NPTN: variants seen among roughly 807,000 people sequenced by gnomAD.
NPTN encodes the protein neuroplastin.
Under a neutral mutation model 42.7 loss-of-function variants are expected in NPTN, and 5 were observed. The observed-to-expected ratio is 0.12, with a 90% CI of 0.06 to 0.25. The LOEUF is 0.25. NPTN is among the 10% of genes least tolerant of loss of function. The probability of loss-of-function intolerance (pLI) is 1.00; values close to 1 mark genes in which losing one functional copy is unlikely to be tolerated. For missense variants in NPTN, 307 were observed against 525.4 expected (o/e 0.58, Z 4.06); for synonymous variants, 180 against 201.9 (o/e 0.89, Z 0.92).
At chr15:73,612,338 G>A (rs1042108670) in intron 1 of NPTN, among the ~76,000 whole-genome samples, 11 of 151,490 alleles carry the variant, frequency 7.3e-5, no homozygotes, top group Admixed American at 7.2e-4. Flanking sequence ...AGGAACACCT[G>A]GACCCAGGAG....
At position 73,573,810 on chromosome 15, in the gene NPTN, T is replaced by C; in HGVS notation, c.707-15A>G. On this transcript the variant is annotated splice_polypyrimidine_tract_variant and intron_variant, in intron 4 of 8. Transcript: ENST00000345330. ...GTCAGGAGCGGCTGTGAGAAAGCGT[T>C]AGACGCAGTTACCACGGAAGTCTAC... 6.2e-7 allele frequency: 1 copy of C among 1,604,776 alleles called. No homozygotes were observed. Among genetic ancestry groups the C allele is most frequent in the Non-Finnish European group, 8.5e-7 (1 of 1,176,024 alleles).
Position 73,593,188 on chromosome 15 carries a change from A to C in NPTN, c.440-1051T>G, listed in dbSNP as rs184073989. On this transcript the variant is annotated intron_variant, in intron 2 of 8. Transcript: ENST00000345330. The stretch of plus-strand genomic sequence containing the variant: ...TAATACATTGAACAAAAATGTTTAA[A>C]ATCACTCTATATTATTCCTGGAAGC... Among the ~76,000 whole-genome samples, 3 of 152,350 alleles carry C rather than the reference A, an allele frequency of 2.0e-5. No homozygotes were observed. The East Asian group carries it at 5.8e-4, about 29-fold the overall frequency.
At chr15:73,630,098 G>C (rs759258643) in intron 1 of NPTN, among the ~76,000 whole-genome samples, 21 of 152,200 alleles carry the variant, frequency 1.4e-4, no homozygotes, top group Admixed American at 3.9e-4. Context: ...AAGGATAGTA[G>C]TAATAGCTAA....
Position 73,573,768 on chromosome 15 carries a change from C to A in NPTN, c.734G>T (p.Arg245Leu), listed in dbSNP as rs764415533. Reference sequence around the variant, plus strand: ...CTGCCCTTCATTCTTGTTCTCACTCCGTTTATGGCCAGTGATGTCAGGAGC... The same window carrying A: ...CTGCCCTTCATTCTTGTTCTCACTCAGTTTATGGCCAGTGATGTCAGGAGC... ...KAAPDITGHKRSENKNEGQDA... is the reference protein window; with the variant it reads ...KAAPDITGHKLSENKNEGQDA... Residue 245 changes from arginine (R) to leucine (L), a missense_variant, in exon 5 of 9, where the codon CGG (arginine) becomes CTG (leucine). By Grantham distance (102) the Arg-to-Leu change is moderately radical. Coordinates refer to ENST00000345330, the MANE Select transcript of NPTN (RefSeq NM_012428.4). The A allele has an allele frequency of 1.2e-5, 20 of 1,602,256 alleles. No individual in the cohort carries two copies. The highest frequency in any genetic ancestry group is 1.5e-5 in the Non-Finnish European group (18 of 1,175,028).
At chr15:73,617,659 A>C (rs560887662) in intron 1 of NPTN, among the ~76,000 whole-genome samples, 2 of 152,324 alleles carry the variant, frequency 1.3e-5, no homozygotes, top group African/African-American at 2.4e-5. Flanking sequence ...TTTCTGTGAC[A>C]AACAGATAGT....
intron 4 of NPTN, among the ~76,000 whole-genome samples, chr15:73,579,189 G>A: frequency 6.7e-6 from 1 of 149,884 alleles, no homozygotes; most frequent in Admixed American, 6.7e-5. Flanking sequence ...TGAGGCAGGA[G>A]AATGGCACGA....
intron 4 of NPTN, among the ~76,000 whole-genome samples, chr15:73,576,293 G>GTA (rs1895692590): frequency 6.6e-6 from 1 of 152,174 alleles, no homozygotes; most frequent in Non-Finnish European, 1.5e-5. Context: ...AAATAAGGGA[G>GTA]TATATACAAG....
intron 6 of NPTN, chr15:73,568,231 T>C: frequency 1.0e-6 from 1 of 985,492 alleles, no homozygotes; most frequent in Non-Finnish European, 1.2e-6. Flanking sequence ...CGGTGACTTC[T>C]TAGGGCAAAG....
intron 1 of NPTN, among the ~76,000 whole-genome samples, chr15:73,615,045 A>C (rs1897796132): frequency 6.6e-6 from 1 of 152,146 alleles, no homozygotes; most frequent in African/African-American, 2.4e-5. Context: ...TTTCAACTTA[A>C]CCACTGTTTT....
chr15:73,624,621 C>A (rs1898304489), intron 1 of NPTN, among the ~76,000 whole-genome samples: 1 of 151,442 alleles, frequency 6.6e-6, no homozygotes, highest in African/African-American at 2.4e-5. Context: ...GGAAATAATC[C>A]CACTACTCTA....
chr15:73,630,524 G>C (rs1898680917), intron 1 of NPTN, among the ~76,000 whole-genome samples: 1 of 152,214 alleles, frequency 6.6e-6, no homozygotes, highest in South Asian at 2.1e-4. Context: ...TGAAAGCCCT[G>C]AATGTCCACA....
intron 1 of NPTN, among the ~76,000 whole-genome samples, chr15:73,628,748 T>C (rs1168643569): frequency 6.6e-6 from 1 of 152,044 alleles, no homozygotes; most frequent in Non-Finnish European, 1.5e-5. Flanking sequence ...TTAAATCTTT[T>C]TTTAATTTAA....
intron 3 of NPTN, among the ~76,000 whole-genome samples, chr15:73,589,148 A>C (rs1896466068): frequency 6.6e-6 from 1 of 152,060 alleles, no homozygotes; most frequent in African/African-American, 2.4e-5. Context: ...CCTGGGAAAC[A>C]TGGCGAAACG....
intron 1 of NPTN, among the ~76,000 whole-genome samples, chr15:73,631,852 T>C (rs1898761453): frequency 6.6e-6 from 1 of 152,160 alleles, no homozygotes; most frequent in Non-Finnish European, 1.5e-5. Flanking sequence ...CTAACACATG[T>C]CTTCAATCAG....
intron 4 of NPTN, among the ~76,000 whole-genome samples, chr15:73,579,878 A>G (rs1895899402): frequency 6.6e-6 from 1 of 152,098 alleles, no homozygotes. Flanking sequence ...GCTTGACCAA[A>G]ATCTCAGGAA....
At chr15:73,619,658 G>GC (rs919503868) in intron 1 of NPTN, among the ~76,000 whole-genome samples, 4 of 152,284 alleles carry the variant, frequency 2.6e-5, no homozygotes, top group Admixed American at 2.6e-4. Context: ...TAAGCATCAG[G>GC]CTTCACACAT....
chr15:73,594,313 C>G (rs1896733686), intron 2 of NPTN, among the ~76,000 whole-genome samples: 1 of 152,162 alleles, frequency 6.6e-6, no homozygotes, highest in Non-Finnish European at 1.5e-5. Context: ...TGTGGCGATG[C>G]AAATGACCAC....
chr15:73,564,369 CAT>C (rs1278714401), intron 6 of NPTN, among the ~76,000 whole-genome samples: 2 of 152,140 alleles, frequency 1.3e-5, no homozygotes, highest in East Asian at 1.9e-4. Context: ...TGCAGGAGCA[CAT>C]GTCGGGAGTA....
At chr15:73,601,221 T>C (rs1897071418) in intron 1 of NPTN, among the ~76,000 whole-genome samples, 1 of 152,184 alleles carries the variant, frequency 6.6e-6, no homozygotes, top group South Asian at 2.1e-4. Context: ...TCTAGGGTTC[T>C]TTCCAATAAA....
Sources: gnomAD v4.1 joint callset for allele counts (sites outside exome capture counted in the v4.1 genomes callset) on GRCh38, gnomAD v4.1.1 for gene constraint, MANE v1.5 for transcripts, NCBI Gene and HGNC (gene_info 2026-07-23, HGNC 2026-07-21) for gene names.